The following ELK3 variants were observed in gnomAD, a reference collection of about 807,000 sequenced individuals.
ELK3 encodes ETS domain-containing protein Elk-3.
Under a neutral mutation model 28.9 loss-of-function variants are expected in ELK3, and 10 were observed. The ratio of observed to expected loss-of-function variants is 0.35; its 90% CI spans 0.21 to 0.59. ELK3 has a LOEUF of 0.59. ELK3 is among the 20% of genes least tolerant of loss of function. The pLI, the probability that ELK3 is intolerant of heterozygous loss-of-function variation, is 0.82. For missense variants in ELK3, 463 were observed against 517.3 expected (o/e 0.90, Z 1.02); for synonymous variants, 272 against 243.5 (o/e 1.12, Z -1.09).
intron 1 of ELK3, among the ~76,000 whole-genome samples, chr12:96,219,051 AG>A (rs1951643642): frequency 6.6e-6 from 1 of 152,378 alleles, no homozygotes; most frequent in African/African-American, 2.4e-5. Context: ...GTGGGAAATC[AG>A]CTAAGTAAAG....
chr12:96,253,811 T>A (rs1383652835), intron 3 of ELK3, among the ~76,000 whole-genome samples: 1 of 152,248 alleles, frequency 6.6e-6, no homozygotes, highest in Non-Finnish European at 1.5e-5. Flanking sequence ...TTATCATGTA[T>A]TCATTCATTT....
intron 2 of ELK3, among the ~76,000 whole-genome samples, chr12:96,238,587 C>G (rs934069559): frequency 6.6e-6 from 1 of 152,216 alleles, no homozygotes; most frequent in Non-Finnish European, 1.5e-5. Flanking sequence ...TCACCCTCGT[C>G]CCTTGGATGG....
chr12:96,196,346 A>G (rs893046134), intron 1 of ELK3, among the ~76,000 whole-genome samples: 4 of 150,590 alleles, frequency 2.7e-5, no homozygotes, highest in African/African-American at 9.8e-5. Flanking sequence ...CCGCGTGTGT[A>G]TGTGTGTTGA....
At chr12:96,197,744 G>A (rs925243138) in intron 1 of ELK3, among the ~76,000 whole-genome samples, 1 of 152,056 alleles carries the variant, frequency 6.6e-6, no homozygotes, top group African/African-American at 2.4e-5. Flanking sequence ...CTCCATTTGA[G>A]TTTTGAAGTT....
intron 4 of ELK3, among the ~76,000 whole-genome samples, chr12:96,266,331 C>T (rs1401765970): frequency 6.6e-6 from 1 of 152,146 alleles, no homozygotes; most frequent in Non-Finnish European, 1.5e-5. Context: ...GACACATCAT[C>T]CTCAACAACG....
At chr12:96,259,912 A>C in intron 4 of ELK3, 59 bp downstream of exon 4, 2 of 1,520,826 alleles carry the variant, frequency 1.3e-6, no homozygotes, top group Non-Finnish European at 8.8e-7. Flanking sequence ...TTTTTTCTCT[A>C]AATCCTGCAG....
At chr12:96,265,745 A>G (rs925936193) in intron 4 of ELK3, among the ~76,000 whole-genome samples, 6 of 152,214 alleles carry the variant, frequency 3.9e-5, no homozygotes, top group African/African-American at 1.2e-4. Context: ...CTCTAACTCA[A>G]TGGGAAGAGT....
intron 2 of ELK3, among the ~76,000 whole-genome samples, chr12:96,235,136 C>G (rs937364532): frequency 6.6e-6 from 1 of 152,056 alleles, no homozygotes; most frequent in Non-Finnish European, 1.5e-5. Flanking sequence ...TCGGCGGCCT[C>G]CAGGAAGGAG....
At chr12:96,264,796 A>G (rs1206208533) in intron 4 of ELK3, among the ~76,000 whole-genome samples, 1 of 152,180 alleles carries the variant, frequency 6.6e-6, no homozygotes, top group Admixed American at 6.5e-5. Context: ...AAATAAAGAT[A>G]AAACATAACA....
Position 96,236,294 on chromosome 12 carries a change from C to T in ELK3, c.208-10646C>T, listed in dbSNP as rs566983172. ...CTGCGAACGTCCAGTCGAATCCTCC[C>T]GGGTTGGGGTGTCCTGCCAGGCCAG... On this transcript the variant is annotated intron_variant, in intron 2 of 4. Coordinates refer to ENST00000228741, the MANE Select transcript of ELK3 (RefSeq NM_005230.4). 2.5e-3 allele frequency among the ~76,000 whole-genome samples: 385 copies of T among 152,274 alleles called. 1 individual carries two copies. The highest frequency in any genetic ancestry group is 4.7e-3 in the Non-Finnish European group (319 of 68,018).
At chr12:96,227,468 A>C (rs935465673) in intron 2 of ELK3, among the ~76,000 whole-genome samples, 2 of 151,850 alleles carry the variant, frequency 1.3e-5, no homozygotes, top group African/African-American at 4.8e-5. Context: ...CATTATTTTT[A>C]TATGTTATAT....
chr12:96,247,236 G>A lies in ELK3; in HGVS notation c.504G>A (p.Glu168=). Residue 168 remains glutamate (E), a synonymous_variant, in exon 3 of 5, where the codon GAG becomes GAA. Coordinates refer to ENST00000228741, the MANE Select transcript of ELK3 (RefSeq NM_005230.4). The surrounding 1 kb of genome is among the most constrained non-coding windows in gnomAD (Gnocchi z 5.5). ...CCATCAAGACGGAGAAGCTGGAGGA[G>A]CCGCCCGAAGACAGCCCCCCCGTGG... ...FKAIKTEKLE[E]PPEDSPPVEE... 6.2e-7 allele frequency: 1 copy of A among 1,614,216 alleles called. No homozygotes were observed. Among genetic ancestry groups the A allele is most frequent in the Non-Finnish European group, 8.5e-7 (1 of 1,180,040 alleles).
chr12:96,264,329 G>A (rs1377146445), intron 4 of ELK3, among the ~76,000 whole-genome samples: 1 of 152,162 alleles, frequency 6.6e-6, no homozygotes, highest in Non-Finnish European at 1.5e-5. Context: ...AATCATCTTT[G>A]AGATTAAAAC....
chr12:96,214,392 C>A (rs1223873628), intron 1 of ELK3, among the ~76,000 whole-genome samples: 1 of 151,886 alleles, frequency 6.6e-6, no homozygotes, highest in Non-Finnish European at 1.5e-5. Context: ...GATCACACCA[C>A]TGTGCTCCAG....
rs529976647 is a variant in ELK3 at position 96,268,687 on chromosome 12, G to A, written c.*1507G>A. 6.6e-6 allele frequency: 1 copy of A among 152,198 alleles called. No homozygotes were observed. The highest frequency in any genetic ancestry group is 2.1e-4 in the South Asian group (1 of 4,824). The allele number at this position is 152,198 out of a possible 1,614,324, so 9.4% of individuals were successfully genotyped here. ...GATCCAAACTGGGCATTAAGTGGCAGGATTATGAGAAAGGATAAAAAAAGA... is the reference window on the plus strand; with the variant it reads ...GATCCAAACTGGGCATTAAGTGGCAAGATTATGAGAAAGGATAAAAAAAGA... On this transcript the variant is annotated 3_prime_UTR_variant, in exon 5 of 5. Transcript: ENST00000228741.
intron 2 of ELK3, among the ~76,000 whole-genome samples, chr12:96,243,954 C>T (rs1325294478): frequency 2.7e-5 from 4 of 147,164 alleles, no homozygotes; most frequent in South Asian, 2.2e-4. Context: ...TGCAGTGAGC[C>T]GAGATCACGC....
intron 2 of ELK3, among the ~76,000 whole-genome samples, chr12:96,224,386 T>TAAA (rs755856942): frequency 2.6e-5 from 4 of 151,886 alleles, no homozygotes; most frequent in Non-Finnish European, 5.9e-5. Context: ...TACGTGTAAG[T>TAAA]ACTTAGAACA....
intron 1 of ELK3, among the ~76,000 whole-genome samples, chr12:96,221,268 C>G (rs935568510): frequency 6.6e-6 from 1 of 152,208 alleles, no homozygotes; most frequent in Non-Finnish European, 1.5e-5. Flanking sequence ...AAAAGTGATT[C>G]TGTGATGCAC....
intron 2 of ELK3, among the ~76,000 whole-genome samples, chr12:96,229,478 C>A (rs1951725939): frequency 2.0e-5 from 3 of 151,912 alleles, no homozygotes; most frequent in African/African-American, 7.3e-5. Context: ...ATCGCTGCCC[C>A]CATCATCACA....
Sources: gnomAD v4.1 joint callset for allele counts (sites outside exome capture counted in the v4.1 genomes callset) on GRCh38, gnomAD v4.1.1 for gene constraint, Gnocchi (gnomAD v3.1) non-coding constraint, MANE v1.5 for transcripts, NCBI Gene and HGNC (gene_info 2026-07-23, HGNC 2026-07-21) for gene names.